The following CSRNP2 variants were observed in gnomAD, a reference collection of about 807,000 sequenced individuals.
The protein encoded by CSRNP2 is cysteine/serine-rich nuclear protein 2.
A neutral mutation model predicts 36.6 loss-of-function variants in CSRNP2; 11 were observed. The observed-to-expected ratio is 0.30, with a 90% CI of 0.19 to 0.50. The LOEUF is 0.50. Ranked by LOEUF, CSRNP2 falls within the 20% of genes least tolerant of loss-of-function variation. The probability of loss-of-function intolerance (pLI) is 0.98; values close to 1 mark genes in which losing one functional copy is unlikely to be tolerated. For synonymous variants in CSRNP2, 248 were observed against 275.3 expected, an observed-to-expected ratio of 0.90 and a Z score of 0.98; for missense variants, 483 against 691.4, an observed-to-expected ratio of 0.70 and a Z score of 3.38.
At chr12:51,073,317 T>G (rs1390810841) in intron 3 of CSRNP2, among the ~76,000 whole-genome samples, 1 of 151,996 alleles carries the variant, frequency 6.6e-6, no homozygotes, top group African/African-American at 2.4e-5. Context: ...TTTTGCTATA[T>G]CTGGTAGACT....
chr12:51,076,255 T>C (rs1939393411), intron 2 of CSRNP2, among the ~76,000 whole-genome samples, 156 bp downstream of exon 2: 1 of 152,088 alleles, frequency 6.6e-6, no homozygotes, highest in Non-Finnish European at 1.5e-5. Context: ...AATCAGACTT[T>C]AGTCTACGGT....
At position 51,073,942 on chromosome 12, in the gene CSRNP2, G is replaced by A. The variant is rs748655459; in HGVS notation, c.292C>T (p.Arg98Cys). ...QGGSSLGMAQ[R>C]HNSVRSYTLC... is the part of the protein sequence containing the mutation. ...GTATAGCTCCGTACAGAGTTATGGC[G>A]CTGGGCCATGCCCAGAGAGCTACCA... The change falls in exon 3 of 5, where the codon CGC becomes TGC. Residue 98 changes from arginine (R) to cysteine (C), a missense_variant. Physicochemically the swap from Arg to Cys is radical, Grantham distance 180. Transcript: ENST00000228515. 16 of 1,614,076 alleles carry A rather than the reference G, an allele frequency of 9.9e-6. No homozygotes were observed. Among genetic ancestry groups the A allele is most frequent in the Non-Finnish European group, 1.3e-5 (15 of 1,180,016 alleles).
At position 51,062,168 on chromosome 12, in the gene CSRNP2, C is replaced by T. The variant is rs1395098064; in HGVS notation, c.*1578G>A. 2.0e-5 allele frequency: 3 copies of T among 152,142 alleles called. 1 individual carries two copies. The highest frequency in any genetic ancestry group is 1.5e-5 in the Non-Finnish European group (1 of 68,024). 9.4% of individuals were successfully genotyped at this position (152,142 alleles called of 1,614,324 possible). A position where few individuals can be genotyped will look rare whatever the true frequency, so the allele number is the denominator to read the frequency against. On this transcript the variant is annotated 3_prime_UTR_variant, in exon 5 of 5. Coordinates refer to ENST00000228515, the MANE Select transcript of CSRNP2 (RefSeq NM_030809.3). The stretch of plus-strand genomic sequence containing the variant: ...AGACTTCAGGGGTGAAATGCTGCTG[C>T]GACATACGTGATGGTTTCTGTAAGA...
chr12:51,076,680 G>T, intron 1 of CSRNP2, 33 bp from the exon 2 acceptor site: 1 of 1,140,338 alleles, frequency 8.8e-7, no homozygotes, highest in Admixed American at 2.0e-5. Flanking sequence ...CAGCATTCCT[G>T]TCCCCAGACA....
intron 4 of CSRNP2, among the ~76,000 whole-genome samples, chr12:51,065,776 G>A (rs2136844874): frequency 1.3e-5 from 2 of 152,198 alleles, no homozygotes; most frequent in Middle Eastern, 6.8e-3. Context: ...TCAATTCTTA[G>A]GACTGTTCTC....
intron 2 of CSRNP2, 63 bp downstream of exon 2, chr12:51,076,348 G>T: frequency 4.5e-6 from 7 of 1,561,766 alleles, no homozygotes; most frequent in Non-Finnish European, 6.1e-6. Context: ...GCTGTCTCGA[G>T]CTGCCATGGG....
chr12:51,062,455 A>G lies in CSRNP2; in HGVS notation c.*1291T>C, dbSNP rs879543484. 2.0e-5 allele frequency: 3 copies of G among 152,254 alleles called. No individual in the cohort carries two copies. The highest frequency in any genetic ancestry group is 4.4e-5 in the Non-Finnish European group (3 of 68,042). The allele number at this position is 152,254 out of a possible 1,614,324, so 9.4% of individuals were successfully genotyped here. A position where few individuals can be genotyped will look rare whatever the true frequency, so the allele number is the denominator to read the frequency against. On this transcript the variant is annotated 3_prime_UTR_variant, in exon 5 of 5. Transcript: ENST00000228515. ...GGAGATCTTAGAACACAGGATGAAC[A>G]GGAACTGTATTCCTCCTGACAGAGG...
At chr12:51,075,358 C>T (rs905713733) in intron 2 of CSRNP2, among the ~76,000 whole-genome samples, 2 of 152,116 alleles carry the variant, frequency 1.3e-5, no homozygotes, top group Non-Finnish European at 2.9e-5. Context: ...GTGATCCACC[C>T]ATATCAGCCT....
intron 1 of CSRNP2, among the ~76,000 whole-genome samples, chr12:51,079,769 CAAAAA>C (rs35767986): frequency 1.1e-4 from 4 of 35,012 alleles, no homozygotes; most frequent in Non-Finnish European, 1.4e-4. Flanking sequence ...GAGACCTTGT[CAAAAA>C]AAAAAAAAAA....
intron 3 of CSRNP2, among the ~76,000 whole-genome samples, chr12:51,068,381 G>C (rs1938623856): frequency 6.6e-6 from 1 of 152,102 alleles, no homozygotes; most frequent in Admixed American, 6.6e-5. Context: ...TGAACTGCTG[G>C]CCTCAAGTGA....
chr12:51,078,159 T>C (rs890558846), intron 1 of CSRNP2, among the ~76,000 whole-genome samples: 1 of 152,240 alleles, frequency 6.6e-6, no homozygotes, highest in Admixed American at 6.5e-5. Flanking sequence ...TATACTGTGG[T>C]GTCAAGAGAT....
intron 3 of CSRNP2, 24 bp downstream of exon 3, chr12:51,073,799 G>A (rs1246859633): frequency 2.5e-6 from 4 of 1,604,232 alleles, no homozygotes; most frequent in East Asian, 2.2e-5. Flanking sequence ...ATGGACAGCA[G>A]TAGATCCCAG....
intron 1 of CSRNP2, 150 bp from the exon 2 acceptor site, chr12:51,076,797 A>G (rs554243614): frequency 1.1e-4 from 52 of 493,894 alleles, no homozygotes; most frequent in African/African-American, 8.6e-4. Context: ...TCTGGCCAAC[A>G]TTCTCCTACT....
At chr12:51,070,348 T>C (rs1288875887) in intron 3 of CSRNP2, among the ~76,000 whole-genome samples, 1 of 152,162 alleles carries the variant, frequency 6.6e-6, no homozygotes, top group Non-Finnish European at 1.5e-5. Context: ...GGAGGTTTCC[T>C]AGTCAGTGAT....
At position 51,064,245 on chromosome 12, in the gene CSRNP2, G is replaced by A. The variant is rs757705633; in HGVS notation, c.1133C>T (p.Pro378Leu). Reference sequence around the variant, plus strand: ...GGGCAGCTGAGCCTGGATGAGAATGGGGGCTGTAAGGCCTGGGCACAGCTC... The same window carrying A: ...GGGCAGCTGAGCCTGGATGAGAATGAGGGCTGTAAGGCCTGGGCACAGCTC... ...PEELCPGLTA[P>L]ILIQAQLPPG... is the part of the protein sequence containing the mutation. Residue 378 changes from proline to leucine, a missense_variant, in exon 5 of 5, where the codon CCC becomes CTC. By Grantham distance (98) the Pro-to-Leu change is moderately conservative. Around this residue, in one of 2 missense-constraint regions of CSRNP2, gnomAD observed 277 missense variants for 323.6 expected, o/e 0.86. Transcript: ENST00000228515. 6.2e-7 allele frequency: 1 copy of A among 1,613,390 alleles called. No homozygotes were observed. The highest frequency in any genetic ancestry group is 8.5e-7 in the Non-Finnish European group (1 of 1,179,742).
chr12:51,067,834 G>A lies in CSRNP2; in HGVS notation c.547C>T (p.Arg183Ter), dbSNP rs1206289307. 1.2e-6 allele frequency: 2 copies of A among 1,614,186 alleles called. No individual in the cohort carries two copies. The highest frequency in any genetic ancestry group is 1.7e-6 in the Non-Finnish European group (2 of 1,180,040). ...CCAGAAGCCCTCAGCAGGGCCCGTC[G>A]CCGTTTGGTGGGCAGAGGCTGCAGG... ...FFLQPLPTKR[R>*]RALLRASGVH... The change falls in exon 4 of 5, where the codon CGA becomes TGA. Residue 183 changes from arginine (R) to a stop codon, truncating the protein, a stop_gained. Coordinates refer to ENST00000228515, the MANE Select transcript of CSRNP2 (RefSeq NM_030809.3). LOFTEE classifies it high-confidence loss of function. The surrounding 1 kb of genome is among the most constrained non-coding windows in gnomAD (Gnocchi z 4.1).
At chr12:51,069,147 T>C (rs1938760626) in intron 3 of CSRNP2, among the ~76,000 whole-genome samples, 1 of 151,932 alleles carries the variant, frequency 6.6e-6, no homozygotes, top group South Asian at 2.1e-4. Context: ...GGCTAACTTT[T>C]TGTATTTTTA....
intron 3 of CSRNP2, among the ~76,000 whole-genome samples, chr12:51,069,874 G>C (rs959251917): frequency 2.0e-5 from 3 of 151,616 alleles, no homozygotes. Flanking sequence ...TTGTATTTTT[G>C]TATTTTTAGT....
In CSRNP2 at chr12:51,063,550, C is replaced by T; in HGVS notation, c.*196G>A. 1 of 435,504 alleles carries T rather than the reference C, an allele frequency of 2.3e-6. No individual in the cohort carries two copies. The highest frequency in any genetic ancestry group is 3.4e-5 in the East Asian group (1 of 29,622). The allele number at this position is 435,504 out of a possible 1,614,324, so 27.0% of individuals were successfully genotyped here. The stretch of plus-strand genomic sequence containing the variant: ...CTTTGCCCCAAGACTATCCCCAGAT[C>T]AAGGTAGGGCTGGTCTCCTTGGTAC... On this transcript the variant is annotated 3_prime_UTR_variant, in exon 5 of 5. Coordinates refer to ENST00000228515, the MANE Select transcript of CSRNP2 (RefSeq NM_030809.3).
Sources: gnomAD v4.1 joint callset for allele counts (sites outside exome capture counted in the v4.1 genomes callset) on GRCh38, gnomAD v4.1.1 for gene constraint, gnomAD v4.1.1 regional missense constraint, Gnocchi (gnomAD v3.1) non-coding constraint, MANE v1.5 for transcripts, NCBI Gene and HGNC (gene_info 2026-07-23, HGNC 2026-07-21) for gene names.